ME3: variants seen among roughly 807,000 people sequenced by gnomAD.
The protein encoded by ME3 is malic enzyme 3.
Under a neutral mutation model 68.9 loss-of-function variants are expected in ME3, and 48 were observed. The ratio of observed to expected loss-of-function variants is 0.70; its 90% CI spans 0.55 to 0.89. The LOEUF (loss-of-function observed/expected upper bound fraction) is 0.89. Among genes scored for constraint, ME3 ranks in the 40% least tolerant of loss-of-function variants. ME3 has a pLI of 0.00. For synonymous variants in ME3, 320 were observed against 318.8 expected (o/e 1.00, Z -0.04); for missense variants, 675 against 797.4 (o/e 0.85, Z 1.85).
At chr11:86,515,556 C>T (rs1006587) in intron 4 of ME3, among the ~76,000 whole-genome samples, 23,638 of 152,150 alleles carry the variant, frequency 0.16, 1,913 homozygotes, top group African/African-American at 0.21. Context: ...GAGAATCAAA[C>T]AAGGCAAATT....
intron 7 of ME3, among the ~76,000 whole-genome samples, chr11:86,475,304 C>T (rs1950998492): frequency 6.6e-6 from 1 of 152,136 alleles, no homozygotes; most frequent in Non-Finnish European, 1.5e-5. Flanking sequence ...CTCTCCTGTT[C>T]CTGTTTTCAC....
chr11:86,558,434 C>A (rs765603680), intron 3 of ME3, among the ~76,000 whole-genome samples: 2 of 152,118 alleles, frequency 1.3e-5, no homozygotes, highest in Non-Finnish European at 2.9e-5. Context: ...TGACTAACAT[C>A]CTTCGAGTTT....
chr11:86,446,223 G>T (rs1243843196), intron 13 of ME3, 91 bp downstream of exon 13: 11 of 1,440,240 alleles, frequency 7.6e-6, no homozygotes, highest in Non-Finnish European at 1.0e-5. Flanking sequence ...TGGGGCAGAT[G>T]GGCAGAAGAG....
chr11:86,598,263 G>A lies in ME3; in HGVS notation c.184-38440C>T, dbSNP rs184048292. On this transcript the variant is annotated intron_variant, in intron 2 of 14. Coordinates refer to ENST00000543262, the Ensembl canonical transcript of ME3. ...TCGCACCCGAATACTGCGCTTTTCC[G>A]ACGGGCTTAGGAAATGGCACACCAG... Among the ~76,000 whole-genome samples, 254 of 152,318 alleles carry A rather than the reference G, an allele frequency of 1.7e-3. 1 individual carries two copies. Among genetic ancestry groups the A allele is most frequent in the Non-Finnish European group, 3.1e-3 (214 of 68,034 alleles).
intron 7 of ME3, among the ~76,000 whole-genome samples, chr11:86,475,729 G>C (rs1340100609): frequency 1.3e-5 from 2 of 151,974 alleles, no homozygotes; most frequent in Non-Finnish European, 2.9e-5. Flanking sequence ...TGGATCAAAT[G>C]AGTGGGTTGT....
chr11:86,447,970 G>T (rs1273641256), intron 11 of ME3, among the ~76,000 whole-genome samples, 180 bp downstream of exon 11: 3 of 151,766 alleles, frequency 2.0e-5, no homozygotes, highest in African/African-American at 7.3e-5. Flanking sequence ...TGGTGCCTTA[G>T]TTTTGTGGTT....
intron 2 of ME3, among the ~76,000 whole-genome samples, chr11:86,586,962 G>A (rs149954393): frequency 1.4e-3 from 216 of 152,268 alleles, no homozygotes; most frequent in African/African-American, 4.9e-3. Flanking sequence ...AGTAAAATGG[G>A]GTGGAGAATG....
At chr11:86,652,817 A>C (rs1945550804) in intron 2 of ME3, among the ~76,000 whole-genome samples, 1 of 152,172 alleles carries the variant, frequency 6.6e-6, no homozygotes, top group African/African-American at 2.4e-5. Flanking sequence ...ATAAAGAGTC[A>C]AGACCCATCA....
intron 6 of ME3, among the ~76,000 whole-genome samples, chr11:86,497,136 A>T (rs1459360156): frequency 7.9e-5 from 12 of 151,912 alleles, no homozygotes; most frequent in Admixed American, 7.9e-4. Flanking sequence ...GGTGTGTGCT[A>T]CCACACCTAG....
intron 2 of ME3, among the ~76,000 whole-genome samples, chr11:86,615,994 C>A (rs2135230586): frequency 6.6e-6 from 1 of 152,252 alleles, no homozygotes; most frequent in Non-Finnish European, 1.5e-5. Flanking sequence ...GTCTCACCAC[C>A]AAAGCACAAC....
chr11:86,600,571 G>A (rs1481707793), intron 2 of ME3, among the ~76,000 whole-genome samples: 3 of 150,326 alleles, frequency 2.0e-5, no homozygotes, highest in Admixed American at 6.7e-5. Context: ...AGGATACCCA[G>A]GAATTGAACT....
Position 86,513,542 on chromosome 11 carries a change from G to A in ME3, c.468-4675C>T, listed in dbSNP as rs141796254. Among the ~76,000 whole-genome samples the A allele has an allele frequency of 6.5e-3, 993 of 152,294 alleles. 11 individuals are homozygous for A. The highest frequency in any genetic ancestry group is 0.023 in the African/African-American group (951 of 41,570). ...CCACCTGAACCAGGATCCTGAGTCC[G>A]ATGCACTTTCCACTAATGCAGAATA... On this transcript the variant is annotated intron_variant, in intron 4 of 14. Transcript: ENST00000543262.
At chr11:86,574,521 T>C (rs1957987776) in intron 2 of ME3, among the ~76,000 whole-genome samples, 1 of 152,104 alleles carries the variant, frequency 6.6e-6, no homozygotes, top group South Asian at 2.1e-4. Context: ...TTGCTGGAGA[T>C]CCACTCCAAG....
chr11:86,670,450 G>A (rs1164204983), intron 2 of ME3, among the ~76,000 whole-genome samples: 3 of 152,186 alleles, frequency 2.0e-5, no homozygotes, highest in Non-Finnish European at 4.4e-5. Context: ...TTAGATAAAG[G>A]AGCCTTTGTG....
In ME3 at chr11:86,541,737, G is replaced by A. The variant is rs370353578; in HGVS notation, c.467+14816C>T. 1.1e-3 allele frequency among the ~76,000 whole-genome samples: 166 copies of A among 152,304 alleles called. 3 individuals are homozygous for A. The highest frequency in any genetic ancestry group is 0.01 in the South Asian group (50 of 4,814). On this transcript the variant is annotated intron_variant, in intron 4 of 14. Transcript: ENST00000543262. ...GGGCATAGCTTCAGCAGACTTAAAC[G>A]TTCCTGCCTGCCGGGTCTGAAGAGA...
At chr11:86,658,777 C>CAGACATG (rs1475641148) in intron 2 of ME3, among the ~76,000 whole-genome samples, 1 of 152,110 alleles carries the variant, frequency 6.6e-6, no homozygotes, top group Non-Finnish European at 1.5e-5. Flanking sequence ...CTAGGCTCCT[C>CAGACATG]AGACATGAGG....
chr11:86,611,580 A>G (rs1441377910), intron 2 of ME3, among the ~76,000 whole-genome samples: 3 of 121,794 alleles, frequency 2.5e-5, no homozygotes, highest in African/African-American at 6.0e-5. Context: ...TACAATTTCT[A>G]TTTGTCAAAT....
At chr11:86,610,626 A>G (rs1942495109) in intron 2 of ME3, among the ~76,000 whole-genome samples, 1 of 130,858 alleles carries the variant, frequency 7.6e-6, no homozygotes, top group Non-Finnish European at 1.5e-5. Context: ...GCATGCATGA[A>G]TCTATTGGCA....
chr11:86,518,079 C>A (rs1312202644), intron 4 of ME3, among the ~76,000 whole-genome samples: 2 of 152,182 alleles, frequency 1.3e-5, no homozygotes, highest in Non-Finnish European at 2.9e-5. Flanking sequence ...AACACCCAAA[C>A]CTTTTCTGAG....
Sources: gnomAD v4.1 joint callset for allele counts (sites outside exome capture counted in the v4.1 genomes callset) on GRCh38, gnomAD v4.1.1 for gene constraint, MANE v1.5 for transcripts, NCBI Gene and HGNC (gene_info 2026-07-23, HGNC 2026-07-21) for gene names.